The following NNMT variants were observed in gnomAD, a reference collection of about 807,000 sequenced individuals.
The protein encoded by NNMT is nicotinamide N-methyltransferase.
Under a neutral mutation model 11.7 loss-of-function variants are expected in NNMT, and 10 were observed. That is an observed-to-expected ratio of 0.85 (90% CI 0.53 to 1.45). The LOEUF (loss-of-function observed/expected upper bound fraction) is 1.45. Ranked by LOEUF, NNMT falls within the 40% of genes most tolerant of loss-of-function variation. NNMT has a pLI of 0.00. For synonymous variants in NNMT, 143 were observed against 133.8 expected (o/e 1.07, Z -0.48); for missense variants, 381 against 319.4 (o/e 1.19, Z -1.47).
At chr11:114,295,419 CTTTTT>C (rs35621813), upstream of NNMT, among the ~76,000 whole-genome samples, 9 of 85,010 alleles carry the variant, frequency 1.1e-4, no homozygotes, top group African/African-American at 4.2e-4. Context: ...TTAAAGAATT[CTTTTT>C]TTTTTTTTTT....
intron 2 of NNMT, among the ~76,000 whole-genome samples, chr11:114,299,059 A>G (rs1945412518): frequency 6.6e-6 from 1 of 152,224 alleles, no homozygotes; most frequent in South Asian, 2.1e-4. Context: ...GTTTGCAATT[A>G]TAGTATCTGC....
intron 2 of NNMT, among the ~76,000 whole-genome samples, chr11:114,286,400 T>G (rs1945300243): frequency 6.6e-6 from 1 of 152,224 alleles, no homozygotes; most frequent in African/African-American, 2.4e-5. Flanking sequence ...TTCTGTAACC[T>G]GAGCACAACT....
intron 2 of NNMT, among the ~76,000 whole-genome samples, chr11:114,288,580 T>C (rs1945314671): frequency 1.3e-5 from 2 of 152,184 alleles, no homozygotes; most frequent in African/African-American, 4.8e-5. Context: ...GGCCATTGTA[T>C]AGCTGCTAGA....
chr11:114,276,278 G>T (rs948205637), intron 2 of NNMT, among the ~76,000 whole-genome samples: 11 of 152,250 alleles, frequency 7.2e-5, no homozygotes, highest in African/African-American at 2.4e-4. Context: ...AGGAGCCCCT[G>T]CAGGAGACAG....
chr11:114,284,764 CTTTTTTTTTTTT>C (rs11415162), intron 2 of NNMT, among the ~76,000 whole-genome samples: 2 of 90,350 alleles, frequency 2.2e-5, no homozygotes, highest in Admixed American at 1.6e-4. Flanking sequence ...ACCCGGCCAT[CTTTTTTTTTTTT>C]TTTTTTTTTT....
intron 2 of NNMT, among the ~76,000 whole-genome samples, chr11:114,281,237 A>G (rs1945260898): frequency 6.6e-6 from 1 of 152,150 alleles, no homozygotes; most frequent in Non-Finnish European, 1.5e-5. Context: ...CAATTAGCTC[A>G]CTAGATCCGT....
chr11:114,295,216 C>T (rs960907406), upstream of NNMT, among the ~76,000 whole-genome samples: 2 of 152,092 alleles, frequency 1.3e-5, no homozygotes. Context: ...GTGGGACACC[C>T]GGCAACATTG....
intron 2 of NNMT, among the ~76,000 whole-genome samples, chr11:114,310,473 G>A (rs538906059): frequency 1.9e-4 from 29 of 152,336 alleles, no homozygotes; most frequent in Middle Eastern, 3.4e-3. Context: ...GATTTTAAGT[G>A]AATATTTAAG....
At chr11:114,303,000 T>C (rs1392012508) in intron 2 of NNMT, among the ~76,000 whole-genome samples, 2 of 152,190 alleles carry the variant, frequency 1.3e-5, no homozygotes, top group South Asian at 4.1e-4. Flanking sequence ...GCCTTTAGAA[T>C]TGTAGGAAAT....
chr11:114,299,433 A>G (rs1945416156), intron 2 of NNMT, among the ~76,000 whole-genome samples: 1 of 152,222 alleles, frequency 6.6e-6, no homozygotes, highest in African/African-American at 2.4e-5. Context: ...GTTACACCAA[A>G]GTGGCATAAA....
At chr11:114,273,019 T>C (rs1401784367) in intron 2 of NNMT, among the ~76,000 whole-genome samples, 1 of 152,224 alleles carries the variant, frequency 6.6e-6, no homozygotes, top group African/African-American at 2.4e-5. Flanking sequence ...AGCCTGTGTT[T>C]CTGTGTTTTC....
At chr11:114,271,297 C>T (rs1011866766) in intron 2 of NNMT, among the ~76,000 whole-genome samples, 2 of 152,168 alleles carry the variant, frequency 1.3e-5, no homozygotes, top group African/African-American at 4.8e-5. Context: ...TCTGTGATCT[C>T]AGACCAAATT....
At chr11:114,290,417 A>G (rs1945327170) in intron 2 of NNMT, among the ~76,000 whole-genome samples, 1 of 152,186 alleles carries the variant, frequency 6.6e-6, no homozygotes, top group Non-Finnish European at 1.5e-5. Flanking sequence ...GGAAGTTAAT[A>G]CACTTTGATT....
intron 2 of NNMT, among the ~76,000 whole-genome samples, chr11:114,289,965 T>C (rs921708537): frequency 6.6e-6 from 1 of 152,168 alleles, no homozygotes; most frequent in Admixed American, 6.5e-5. Flanking sequence ...TCTTCGTAGA[T>C]AGCACTTTCT....
At chr11:114,285,583 TTTTG>T (rs1259375049) in intron 2 of NNMT, among the ~76,000 whole-genome samples, 3 of 152,188 alleles carry the variant, frequency 2.0e-5, no homozygotes, top group African/African-American at 7.2e-5. Flanking sequence ...TTGGTGATAA[TTTTG>T]TTTATTTGTT....
chr11:114,271,862 C>G (rs12284120), intron 2 of NNMT, among the ~76,000 whole-genome samples: 2,674 of 152,024 alleles, frequency 0.018, 66 homozygotes, highest in African/African-American at 0.058. Flanking sequence ...AAAAACCCAC[C>G]GTAGAAGAGA....
chr11:114,297,975 T>C lies in NNMT; in HGVS notation c.179T>C (p.Ile60Thr), dbSNP rs746668047. 5.0e-6 allele frequency: 8 copies of C among 1,612,996 alleles called. No individual in the cohort carries two copies. The South Asian group carries it at 7.7e-5, about 16-fold the overall frequency. The stretch of plus-strand genomic sequence containing the variant: ...GACGGTGTGAAGGGAGACCTGCTGA[T>C]TGACATCGGCTCTGGCCCCACTATC... ...CLDGVKGDLL[I>T]DIGSGPTIYQ... is the part of the protein sequence containing the mutation. Residue 60 changes from isoleucine (I) to threonine (T), a missense_variant, in exon 2 of 3, where the codon ATT becomes ACT. Coordinates refer to ENST00000299964, the MANE Select transcript of NNMT (RefSeq NM_006169.3).
chr11:114,267,147 C>G (rs541311616), intron 2 of NNMT, among the ~76,000 whole-genome samples: 5 of 152,240 alleles, frequency 3.3e-5, no homozygotes, highest in Admixed American at 1.3e-4. Flanking sequence ...CACCTGTAAT[C>G]CCAGCTACTC....
In NNMT at chr11:114,302,811, A is replaced by T. The variant is rs79548986; in HGVS notation, c.362+4653A>T. ...TAAGAGGTCGGGGCTTTGAAAGGTC[A>T]TTAGGTCATGGAGGTGGAGACTTCA... On this transcript the variant is annotated intron_variant, in intron 2 of 2. Coordinates refer to ENST00000299964, the MANE Select transcript of NNMT (RefSeq NM_006169.3). Among the ~76,000 whole-genome samples, 443 of 152,288 alleles carry T rather than the reference A, an allele frequency of 2.9e-3. 1 individual carries two copies. Among genetic ancestry groups the T allele is most frequent in the African/African-American group, 0.01 (428 of 41,566 alleles).
Sources: allele counts gnomAD v4.1 joint callset (sites outside exome capture counted in the v4.1 genomes callset), GRCh38; gene constraint gnomAD v4.1.1; transcripts MANE v1.5; gene names NCBI Gene and HGNC (gene_info 2026-07-23, HGNC 2026-07-21).